TMEM123: variants seen among roughly 807,000 people sequenced by gnomAD.
TMEM123 encodes porimin.
Under a neutral mutation model 19.7 loss-of-function variants are expected in TMEM123, and 16 were observed. That is an observed-to-expected ratio of 0.81 (90% CI 0.55 to 1.23). The LOEUF is 1.23. Ranked by LOEUF, TMEM123 falls within the 50% of genes most tolerant of loss-of-function variation. TMEM123 has a pLI of 0.00. For missense variants in TMEM123, 313 were observed against 257.8 expected (o/e 1.21, Z -1.47); for synonymous variants, 118 against 99.4 (o/e 1.19, Z -1.12).
chr11:102,433,353 C>T (rs189412769), intron 2 of TMEM123, among the ~76,000 whole-genome samples: 1 of 151,922 alleles, frequency 6.6e-6, no homozygotes, highest in African/African-American at 2.4e-5. Context: ...CATAGGAAAT[C>T]ATTTTGGAAC....
In TMEM123 at chr11:102,443,163, C is replaced by A. The variant is rs183278974; in HGVS notation, c.157+5649G>T. Among the ~76,000 whole-genome samples, 419 of 152,278 alleles carry A rather than the reference C, an allele frequency of 2.8e-3. 3 individuals carry two copies. The highest frequency in any genetic ancestry group is 9.7e-3 in the African/African-American group (403 of 41,558). ...TTCAATGCCATCCCCATCAAGCTACCAATGACTTTCTTCACAGAATTGGAA... is the reference window on the plus strand; with the variant it reads ...TTCAATGCCATCCCCATCAAGCTACAAATGACTTTCTTCACAGAATTGGAA... On this transcript the variant is annotated intron_variant, in intron 2 of 4. Coordinates refer to ENST00000398136, the MANE Select transcript of TMEM123 (RefSeq NM_052932.3).
intron 2 of TMEM123, among the ~76,000 whole-genome samples, chr11:102,425,585 T>G (rs1196084061): frequency 7.1e-6 from 1 of 139,916 alleles, no homozygotes; most frequent in South Asian, 2.2e-4. Context: ...TCTTTTTTCT[T>G]TTTTTTTTTT....
intron 2 of TMEM123, among the ~76,000 whole-genome samples, chr11:102,439,417 A>G (rs1279952371): frequency 6.6e-6 from 1 of 152,130 alleles, no homozygotes; most frequent in Non-Finnish European, 1.5e-5. Context: ...TCTGCTGGTG[A>G]TAGCCAGGCA....
At chr11:102,409,958 CTG>C (rs1445802703) in intron 2 of TMEM123, among the ~76,000 whole-genome samples, 1 of 150,052 alleles carries the variant, frequency 6.7e-6, no homozygotes, top group Non-Finnish European at 1.5e-5. Context: ...TGATAAAGAA[CTG>C]TACATTTTCT....
At chr11:102,428,591 G>C (rs1253000106) in intron 2 of TMEM123, among the ~76,000 whole-genome samples, 3 of 151,542 alleles carry the variant, frequency 2.0e-5, no homozygotes, top group Non-Finnish European at 4.4e-5. Context: ...ACAGGTGTAA[G>C]CCAGTGTGCC....
intron 2 of TMEM123, among the ~76,000 whole-genome samples, chr11:102,437,628 G>A (rs1272674301): frequency 1.3e-5 from 2 of 152,118 alleles, no homozygotes; most frequent in African/African-American, 4.8e-5. Flanking sequence ...GAAAGCACCA[G>A]TGCAGTTCCA....
At chr11:102,420,209 C>G (rs1159004989) in intron 2 of TMEM123, among the ~76,000 whole-genome samples, 12 of 152,144 alleles carry the variant, frequency 7.9e-5, no homozygotes, top group Admixed American at 7.9e-4. Context: ...GGCTCCCTTG[C>G]CCCCCAAGGC....
chr11:102,451,943 C>A (rs908979068), intron 1 of TMEM123, among the ~76,000 whole-genome samples: 1 of 152,206 alleles, frequency 6.6e-6, no homozygotes, highest in African/African-American at 2.4e-5. Flanking sequence ...CCTCAACTAC[C>A]GCGAGGGCGG....
At chr11:102,447,572 CA>C (rs142094912) in intron 2 of TMEM123, among the ~76,000 whole-genome samples, 74 of 152,242 alleles carry the variant, frequency 4.9e-4, no homozygotes, top group African/African-American at 1.7e-3. Flanking sequence ...TTTGTCTACC[CA>C]AGGTTAAAAG....
chr11:102,420,271 C>T (rs1952075475), intron 2 of TMEM123, among the ~76,000 whole-genome samples: 1 of 152,098 alleles, frequency 6.6e-6, no homozygotes, highest in African/African-American at 2.4e-5. Context: ...GTTTTATATT[C>T]CTCACTATTC....
intron 2 of TMEM123, among the ~76,000 whole-genome samples, chr11:102,446,982 A>G (rs953704427): frequency 1.3e-5 from 2 of 152,196 alleles, no homozygotes; most frequent in Admixed American, 6.5e-5. Context: ...ATGTAACTAA[A>G]AAGAAAAACA....
intron 2 of TMEM123, among the ~76,000 whole-genome samples, chr11:102,436,076 A>G (rs1484212519): frequency 6.6e-6 from 1 of 151,942 alleles, no homozygotes; most frequent in Non-Finnish European, 1.5e-5. Context: ...GGTATTTAAA[A>G]AAAAATGCAT....
At chr11:102,400,410 C>G (rs117551437) in intron 4 of TMEM123, among the ~76,000 whole-genome samples, 3 of 152,304 alleles carry the variant, frequency 2.0e-5, no homozygotes, top group Non-Finnish European at 4.4e-5. Context: ...AGTAAACTGT[C>G]TTAGTTTACT....
At position 102,452,610 on chromosome 11, in the gene TMEM123, G is replaced by T. The variant is rs1035392015; in HGVS notation, c.14C>A (p.Ala5Glu). The change falls in exon 1 of 5, where the codon GCG (alanine) becomes GAG (glutamate). Residue 5 changes from alanine to glutamate, a missense_variant. Transcript: ENST00000398136. MGLG[A>E]RGAWAALLLG... ...GAGCAGCGCGGCCCAAGCACCTCGC[G>T]CGCCGAGTCCCATTGTTCCGAGGGC... 4.5e-6 allele frequency: 7 copies of T among 1,556,438 alleles called. No homozygotes were observed. Among genetic ancestry groups the T allele is most frequent in the Non-Finnish European group, 6.1e-6 (7 of 1,154,370 alleles).
At position 102,432,559 on chromosome 11, in the gene TMEM123, T is replaced by C. The variant is rs140926219; in HGVS notation, c.157+16253A>G. Among the ~76,000 whole-genome samples the C allele has an allele frequency of 5.8e-3, 881 of 152,320 alleles. 4 individuals are homozygous for C. Among genetic ancestry groups the C allele is most frequent in the Non-Finnish European group, 9.2e-3 (624 of 68,036 alleles). The stretch of plus-strand genomic sequence containing the variant: ...GCAGAGCGTAAGAGTTTGGAAAATA[T>C]GTAGCCTGATGATGTGACAGAAAAG... On this transcript the variant is annotated intron_variant, in intron 2 of 4. Coordinates refer to ENST00000398136, the MANE Select transcript of TMEM123 (RefSeq NM_052932.3).
chr11:102,412,524 T>C (rs966361326), intron 2 of TMEM123, among the ~76,000 whole-genome samples: 9 of 152,090 alleles, frequency 5.9e-5, no homozygotes, highest in Non-Finnish European at 1.3e-4. Context: ...AAATATAAGA[T>C]ATAGAAATGC....
At chr11:102,437,685 T>C (rs973209514) in intron 2 of TMEM123, among the ~76,000 whole-genome samples, 2 of 152,008 alleles carry the variant, frequency 1.3e-5, no homozygotes, top group African/African-American at 2.4e-5. Flanking sequence ...TGTATGAGAG[T>C]GCACAGTGGT....
rs1054617011 is a variant in TMEM123, at chr11:102,416,516, T to TA, written c.158-14311dup. Among the ~76,000 whole-genome samples, 95 of 151,026 alleles carry TA rather than the reference T, an allele frequency of 6.3e-4. 1 individual carries two copies. The highest frequency in any genetic ancestry group is 4.8e-3 in the East Asian group (25 of 5,158). ...ATGAGTTCTGACATAAAATCAGTAA[T>TA]AAAAAAAAATCTACCAATCAGGAAA... On this transcript the variant is annotated intron_variant, in intron 2 of 4. Coordinates refer to ENST00000398136, the MANE Select transcript of TMEM123 (RefSeq NM_052932.3).
chr11:102,428,333 A>G (rs1591561730), intron 2 of TMEM123, among the ~76,000 whole-genome samples: 1 of 151,946 alleles, frequency 6.6e-6, no homozygotes, highest in African/African-American at 2.4e-5. Context: ...ATGGAGTCTC[A>G]CTCTGTCACC....
Sources: gnomAD v4.1 joint callset for allele counts (sites outside exome capture counted in the v4.1 genomes callset) on GRCh38, gnomAD v4.1.1 for gene constraint, MANE v1.5 for transcripts, NCBI Gene and HGNC (gene_info 2026-07-23, HGNC 2026-07-21) for gene names.